TMEM132C: variants seen among roughly 807,000 people sequenced by gnomAD.
TMEM132C encodes the protein transmembrane protein 132C.
Under a neutral mutation model 61.4 loss-of-function variants are expected in TMEM132C, and 29 were observed. That is an observed-to-expected ratio of 0.47 (90% CI 0.35 to 0.64). The LOEUF (loss-of-function observed/expected upper bound fraction) is 0.64, where lower values mean the gene tolerates loss of function less well. TMEM132C is among the 30% of genes least tolerant of loss of function. TMEM132C has a pLI of 0.00. For missense variants in TMEM132C, 1,408 were observed against 1,476.9 expected (o/e 0.95, Z 0.76); for synonymous variants, 656 against 633.1 (o/e 1.04, Z -0.54).
chr12:128,345,489 T>A (rs760489886), intron 1 of TMEM132C, among the ~76,000 whole-genome samples: 15 of 152,224 alleles, frequency 9.9e-5, no homozygotes, highest in Non-Finnish European at 2.1e-4. Context: ...CACACTGTCT[T>A]CCACAATGAT....
chr12:128,571,307 G>A (rs1349143630), intron 3 of TMEM132C, among the ~76,000 whole-genome samples: 1 of 152,116 alleles, frequency 6.6e-6, no homozygotes, highest in Admixed American at 6.6e-5. Context: ...CTGAGTTTAG[G>A]TTTCTAGAGT....
intron 2 of TMEM132C, among the ~76,000 whole-genome samples, chr12:128,501,759 A>T (rs1448239712): frequency 6.6e-6 from 1 of 152,234 alleles, no homozygotes; most frequent in Non-Finnish European, 1.5e-5. Context: ...ACCTGAGAGC[A>T]GCAGCAGCAG....
At chr12:128,503,394 G>A (rs1872246362) in intron 2 of TMEM132C, among the ~76,000 whole-genome samples, 1 of 152,230 alleles carries the variant, frequency 6.6e-6, no homozygotes, top group South Asian at 2.1e-4. Flanking sequence ...ACAGCTTTCT[G>A]TGCTGAACTC....
At chr12:128,466,690 T>G (rs1593063625) in intron 2 of TMEM132C, among the ~76,000 whole-genome samples, 2 of 152,264 alleles carry the variant, frequency 1.3e-5, no homozygotes, top group East Asian at 3.9e-4. Context: ...TAATTTTTGT[T>G]TTTTGTTTGT....
intron 3 of TMEM132C, among the ~76,000 whole-genome samples, chr12:128,583,743 G>A (rs1246565613): frequency 2.0e-5 from 3 of 152,170 alleles, no homozygotes; most frequent in Admixed American, 6.5e-5. Context: ...CACAGCAGCC[G>A]CCCCCCGCCC....
chr12:128,554,169 A>T (rs1000326397), intron 3 of TMEM132C, among the ~76,000 whole-genome samples: 9 of 152,248 alleles, frequency 5.9e-5, no homozygotes, highest in Admixed American at 2.0e-4. Context: ...CTGAATGCTG[A>T]GAGGCTGCAA....
chr12:128,562,053 G>A (rs1874539817), intron 3 of TMEM132C, among the ~76,000 whole-genome samples: 2 of 152,066 alleles, frequency 1.3e-5, no homozygotes, highest in African/African-American at 2.4e-5. Flanking sequence ...CCCAAATAAG[G>A]ATCCAATGCG....
At chr12:128,670,705 A>G (rs1187477688) in intron 5 of TMEM132C, among the ~76,000 whole-genome samples, 1 of 152,182 alleles carries the variant, frequency 6.6e-6, no homozygotes, top group African/African-American at 2.4e-5. Flanking sequence ...GCTTTGGACT[A>G]TGGGTCAAAC....
At chr12:128,291,827 A>T (rs1871255761) in intron 1 of TMEM132C, among the ~76,000 whole-genome samples, 1 of 152,186 alleles carries the variant, frequency 6.6e-6, no homozygotes, top group African/African-American at 2.4e-5. Context: ...CAGGAGGGAG[A>T]TTGAAGTGGG....
chr12:128,389,922 A>G (rs578021861), intron 1 of TMEM132C, among the ~76,000 whole-genome samples: 44 of 152,316 alleles, frequency 2.9e-4, no homozygotes, highest in African/African-American at 9.6e-4. Flanking sequence ...TCTGTCACCC[A>G]TGCTGACGTG....
chr12:128,485,467 A>G (rs916825912), intron 2 of TMEM132C, among the ~76,000 whole-genome samples: 1 of 152,162 alleles, frequency 6.6e-6, no homozygotes, highest in Non-Finnish European at 1.5e-5. Flanking sequence ...GTGAGCCACC[A>G]CAGCCGGCCT....
intron 2 of TMEM132C, among the ~76,000 whole-genome samples, chr12:128,423,568 A>T (rs1869064902): frequency 6.6e-6 from 1 of 152,220 alleles, no homozygotes; most frequent in Non-Finnish European, 1.5e-5. Flanking sequence ...ATCTCACTGT[A>T]TGTCAAGGAA....
intron 2 of TMEM132C, among the ~76,000 whole-genome samples, chr12:128,540,700 C>T (rs949128474): frequency 6.6e-6 from 1 of 152,172 alleles, no homozygotes; most frequent in Non-Finnish European, 1.5e-5. Flanking sequence ...CCCACAACAA[C>T]CAATACAGAG....
At chr12:128,329,659 C>T (rs961940594) in intron 1 of TMEM132C, among the ~76,000 whole-genome samples, 9 of 152,214 alleles carry the variant, frequency 5.9e-5, no homozygotes, top group East Asian at 1.9e-4. Flanking sequence ...GAGGTCTGGC[C>T]GTGCTGCACC....
At chr12:128,412,172 T>G (rs1868581300) in intron 1 of TMEM132C, among the ~76,000 whole-genome samples, 1 of 152,238 alleles carries the variant, frequency 6.6e-6, no homozygotes, top group South Asian at 2.1e-4. Flanking sequence ...TTAAGTTCAT[T>G]TCTTTCCATT....
intron 2 of TMEM132C, among the ~76,000 whole-genome samples, chr12:128,451,325 A>G (rs1296588514): frequency 6.6e-6 from 1 of 152,224 alleles, no homozygotes; most frequent in Non-Finnish European, 1.5e-5. Flanking sequence ...CCTAAGTTCA[A>G]GAGAAAGAAA....
intron 2 of TMEM132C, among the ~76,000 whole-genome samples, chr12:128,491,580 G>A (rs142837556): frequency 6.9e-4 from 105 of 152,252 alleles, no homozygotes; most frequent in Middle Eastern, 3.4e-3. Flanking sequence ...AAACCACTCA[G>A]GGCTTTTTCA....
At chr12:128,663,472 C>A in intron 4 of TMEM132C, among the ~76,000 whole-genome samples, 1 of 152,182 alleles carries the variant, frequency 6.6e-6, no homozygotes, top group Middle Eastern at 3.2e-3. Context: ...TTTCCTCACT[C>A]TTTTCTACTC....
At chr12:128,622,358 AAAAT>A (rs1489475402) in intron 4 of TMEM132C, among the ~76,000 whole-genome samples, 1 of 48,288 alleles carries the variant, frequency 2.1e-5, no homozygotes, top group Non-Finnish European at 3.7e-5. Context: ...AAAAAAAAAA[AAAAT>A]ATATATATAT....
Sources: allele counts gnomAD v4.1 joint callset (sites outside exome capture counted in the v4.1 genomes callset), GRCh38; gene constraint gnomAD v4.1.1; transcripts MANE v1.5; gene names NCBI Gene and HGNC (gene_info 2026-07-23, HGNC 2026-07-21).